The following ASAH2B variants were observed in gnomAD, a reference collection of about 807,000 sequenced individuals.
The protein encoded by ASAH2B is N-acylsphingosine amidohydrolase 2B, also known as putative inactive neutral ceramidase B.
A neutral mutation model predicts 2.9 loss-of-function variants in ASAH2B; 1 was observed. The observed-to-expected ratio is 0.34, with a 90% confidence interval of 0.12 to 1.63. The LOEUF (loss-of-function observed/expected upper bound fraction) is 1.63, where lower values mean the gene tolerates loss of function less well. Ranked by LOEUF, ASAH2B falls within the 40% of genes most tolerant of loss-of-function variation. The probability of loss-of-function intolerance (pLI) is 0.36; values close to 1 mark genes in which losing one functional copy is unlikely to be tolerated. For synonymous variants in ASAH2B, 4 were observed against 13.3 expected (o/e 0.30, Z 1.52); for missense variants, 9 against 37.7 (o/e 0.24, Z 1.99).
intron 3 of ASAH2B, among the ~76,000 whole-genome samples, chr10:50,747,807 G>A (rs1338384396): frequency 6.6e-6 from 1 of 151,872 alleles, no homozygotes; most frequent in Non-Finnish European, 1.5e-5. Context: ...TATATTGTAA[G>A]GAGTTTTCTA....
chr10:50,754,301 A>AT (rs1837035464), intron 5 of ASAH2B, among the ~76,000 whole-genome samples: 1 of 122,932 alleles, frequency 8.1e-6, no homozygotes, highest in Admixed American at 8.3e-5. Context: ...GGTGAGTATA[A>AT]TTTAGGTAGG....
Position 50,755,062 on chromosome 10 carries a change from T to C in ASAH2B, c.*322T>C. On this transcript the variant is annotated 3_prime_UTR_variant, in exon 6 of 6. Coordinates refer to ENST00000647317, the MANE Select transcript of ASAH2B (RefSeq NM_001321958.2). ...AGTCTTGGGGTTGTTTAAAGGAGAG[T>C]CCCTTCAATATAAAACCTCTGAAAT... 4.9e-6 allele frequency: 1 copy of C among 203,870 alleles called. No homozygotes were observed. Among genetic ancestry groups the C allele is most frequent in the Non-Finnish European group, 9.4e-6 (1 of 105,980 alleles). 12.6% of individuals were successfully genotyped at this position (203,870 alleles called of 1,614,324 possible).
At chr10:50,747,050 G>T (rs1348277637) in intron 3 of ASAH2B, among the ~76,000 whole-genome samples, 1 of 148,482 alleles carries the variant, frequency 6.7e-6, no homozygotes. Context: ...TTGCATTAGG[G>T]GTCATATTAA....
chr10:50,740,728 C>G (rs1280009895), intron 1 of ASAH2B, among the ~76,000 whole-genome samples: 1 of 152,050 alleles, frequency 6.6e-6, no homozygotes, highest in Non-Finnish European at 1.5e-5. Context: ...TTCAATCAAG[C>G]TGTCAGATTT....
intron 1 of ASAH2B, among the ~76,000 whole-genome samples, chr10:50,741,109 T>C (rs139868371): frequency 3.1e-4 from 47 of 152,364 alleles, no homozygotes; most frequent in African/African-American, 1.1e-3. Context: ...TGTGACTGTT[T>C]AGAGTTAGAA....
At chr10:50,747,547 A>G (rs1264394207) in intron 3 of ASAH2B, among the ~76,000 whole-genome samples, 1 of 151,508 alleles carries the variant, frequency 6.6e-6, no homozygotes, top group African/African-American at 2.4e-5. Flanking sequence ...ACCATTTAGT[A>G]TGATGTTTTC....
rs561446153 is a variant in ASAH2B at position 50,748,025 on chromosome 10, G to C, written c.145-1318G>C. Among the ~76,000 whole-genome samples, 804 of 150,142 alleles carry C rather than the reference G, an allele frequency of 5.4e-3. 7 individuals carry two copies. The highest frequency in any genetic ancestry group is 0.019 in the African/African-American group (772 of 41,106). On this transcript the variant is annotated intron_variant, in intron 3 of 5. Coordinates refer to ENST00000647317, the MANE Select transcript of ASAH2B (RefSeq NM_001321958.2). Reference sequence around the variant, plus strand: ...CATATGGACCTGGCTTTTCTTTATGGCAAAATTTTTATTACTAATTCAATT... The same window carrying C: ...CATATGGACCTGGCTTTTCTTTATGCCAAAATTTTTATTACTAATTCAATT...
At chr10:50,746,936 C>T (rs1381971389) in intron 3 of ASAH2B, among the ~76,000 whole-genome samples, 1 of 149,250 alleles carries the variant, frequency 6.7e-6, no homozygotes, top group African/African-American at 2.5e-5. Flanking sequence ...CAAGTGTTTT[C>T]TCCCATTCTT....
At chr10:50,741,964 A>G (rs1345717554) in intron 1 of ASAH2B, among the ~76,000 whole-genome samples, 3 of 152,216 alleles carry the variant, frequency 2.0e-5, no homozygotes, top group African/African-American at 7.2e-5. Context: ...ATGGACATGC[A>G]CACTTGAGGG....
At chr10:50,747,514 A>C (rs991090396) in intron 3 of ASAH2B, among the ~76,000 whole-genome samples, 6 of 151,736 alleles carry the variant, frequency 4.0e-5, no homozygotes, top group Admixed American at 3.9e-4. Context: ...TTCCAATCTT[A>C]GTAGAAAAGT....
At position 50,756,515 on chromosome 10, in the gene ASAH2B, G is replaced by A. The variant is rs1234311762; in HGVS notation, c.*1775G>A. 3 of 151,984 alleles carry A rather than the reference G, an allele frequency of 2.0e-5. No homozygotes were observed. The highest frequency in any genetic ancestry group is 2.4e-5 in the African/African-American group (1 of 41,434). The allele number at this position is 151,984 out of a possible 1,614,324, so 9.4% of individuals were successfully genotyped here. On this transcript the variant is annotated 3_prime_UTR_variant, in exon 6 of 6. Transcript: ENST00000647317. ...AGAACTCATGATATGGTTTTTTAAA[G>A]TATTTGTTATTACTCAGAAGGGTTC... is the stretch of plus-strand genomic sequence containing the variant.
Position 50,747,184 on chromosome 10 carries a change from A to G in ASAH2B, c.144+1910A>G, listed in dbSNP as rs542315635. ...TAATCAATTTTGAGTTAATTTTTAT[A>G]TTTCCTTCTTCTGCATGTGGATATC... On this transcript the variant is annotated intron_variant, in intron 3 of 5. Transcript: ENST00000647317. Among the ~76,000 whole-genome samples, 147 of 148,948 alleles carry G rather than the reference A, an allele frequency of 9.9e-4. 8 individuals carry two copies. The highest frequency in any genetic ancestry group is 2.2e-3 in the African/African-American group (88 of 40,148).
intron 1 of ASAH2B, among the ~76,000 whole-genome samples, chr10:50,741,953 C>T (rs1839836978): frequency 6.6e-6 from 1 of 152,146 alleles, no homozygotes; most frequent in Non-Finnish European, 1.5e-5. Flanking sequence ...CTGGGCAAGA[C>T]ATGGACATGC....
chr10:50,747,387 A>G (rs1839923784), intron 3 of ASAH2B, among the ~76,000 whole-genome samples: 1 of 151,110 alleles, frequency 6.6e-6, no homozygotes, highest in Admixed American at 6.6e-5. Flanking sequence ...GTTGATTACT[A>G]TAGCTTTGTA....
chr10:50,754,734 T>C lies in ASAH2B; in HGVS notation c.477T>C (p.Thr159=). Residue 159 remains threonine, a synonymous_variant, in exon 6 of 6, where the codon ACT becomes ACC. Transcript: ENST00000647317. ...CTTCCCCGGCTTTTGAAGTTGTAACTATTTAGTGAAAAGTTGATAGATCAT... is the reference window on the plus strand; with the variant it reads ...CTTCCCCGGCTTTTGAAGTTGTAACCATTTAGTGAAAAGTTGATAGATCAT... The part of the protein sequence containing the change: ...EGTSPAFEVV[T]I 7.4e-6 allele frequency: 2 copies of C among 268,874 alleles called. No individual in the cohort carries two copies. The highest frequency in any genetic ancestry group is 2.8e-5 in the South Asian group (1 of 35,382). 16.7% of individuals were successfully genotyped at this position (268,874 alleles called of 1,614,324 possible). A position where few individuals can be genotyped will look rare whatever the true frequency, so the allele number is the denominator to read the frequency against.
At chr10:50,746,049 C>G (rs1170085691) in intron 3 of ASAH2B, among the ~76,000 whole-genome samples, 2 of 151,262 alleles carry the variant, frequency 1.3e-5, no homozygotes, top group Non-Finnish European at 2.9e-5. Context: ...TTGTTTTTAA[C>G]TGAAGCCATC....
In ASAH2B at chr10:50,747,117, C is replaced by A. The variant is rs556423558; in HGVS notation, c.144+1843C>A. 3.9e-4 allele frequency among the ~76,000 whole-genome samples: 57 copies of A among 144,554 alleles called. 1 individual carries two copies. Among genetic ancestry groups the A allele is most frequent in the Admixed American group, 1.9e-3 (27 of 14,494 alleles). The allele number at this position is 144,554 out of a possible 152,430, so 94.8% of individuals were successfully genotyped here. ...TCATGGAACTTTTCCTCTAGGTTTTCTTTCAGTTGTTTTATAGTTTCAGGT... is the reference window on the plus strand; with the variant it reads ...TCATGGAACTTTTCCTCTAGGTTTTATTTCAGTTGTTTTATAGTTTCAGGT... On this transcript the variant is annotated intron_variant, in intron 3 of 5. Coordinates refer to ENST00000647317, the MANE Select transcript of ASAH2B (RefSeq NM_001321958.2).
rs1273142618 is a variant in ASAH2B, at chr10:50,741,425, A to G, written c.-100+1442A>G. 2.0e-5 allele frequency among the ~76,000 whole-genome samples: 3 copies of G among 152,244 alleles called. No homozygotes were observed. The East Asian group carries it at 5.8e-4, about 29-fold the overall frequency. ...GGGGTCTAGTAGGAAGACAGAAAAG[A>G]GAACAGATGATTACATTTTCATGAA... On this transcript the variant is annotated intron_variant, in intron 1 of 5. Transcript: ENST00000647317.
Position 50,746,238 on chromosome 10 carries a change from T to C in ASAH2B, c.144+964T>C, listed in dbSNP as rs1027337138. 1.2e-4 allele frequency among the ~76,000 whole-genome samples: 18 copies of C among 151,548 alleles called. 2 individuals are homozygous for C. Among genetic ancestry groups the C allele is most frequent in the African/African-American group, 4.4e-4 (18 of 40,960 alleles). ...AACTCTTGAAGGTTCTATATATAAG[T>C]GAGATCATGTGGTATTTATCTTTCT... On this transcript the variant is annotated intron_variant, in intron 3 of 5. Transcript: ENST00000647317.
Sources: allele counts gnomAD v4.1 joint callset (sites outside exome capture counted in the v4.1 genomes callset), GRCh38; gene constraint gnomAD v4.1.1; transcripts MANE v1.5; gene names NCBI Gene and HGNC (gene_info 2026-07-23, HGNC 2026-07-21).